The following NCOA1 variants were observed in gnomAD, a reference collection of about 807,000 sequenced individuals.
NCOA1 encodes the protein nuclear receptor coactivator 1, also known as Hin-2 protein.
A neutral mutation model predicts 150.9 loss-of-function variants in NCOA1; 35 were observed. The ratio of observed to expected loss-of-function variants is 0.23; its 90% CI spans 0.18 to 0.31. The LOEUF (loss-of-function observed/expected upper bound fraction) is 0.31, where lower values mean the gene tolerates loss of function less well. Among genes scored for constraint, NCOA1 ranks in the 10% least tolerant of loss-of-function variants. The pLI is 1.00. For missense variants in NCOA1, 1,491 were observed against 1,749.3 expected (o/e 0.85, Z 2.63); for synonymous variants, 590 against 630.0 (o/e 0.94, Z 0.95).
chr2:24,553,338 C>T (rs543657284), intron 1 of NCOA1, among the ~76,000 whole-genome samples: 1 of 152,046 alleles, frequency 6.6e-6, no homozygotes, highest in African/African-American at 2.4e-5. Context: ...CCTGCCTCAG[C>T]CTCCCGAGTA....
Position 24,607,470 on chromosome 2 carries a change from A to G in NCOA1, c.-175+22910A>G, listed in dbSNP as rs965219239. ...TTTGGGAGGCCAAGGCGGGCGGATC[A>G]TGAGGTCAGGAGATCAAGACCATCC... On this transcript the variant is annotated intron_variant, in intron 3 of 22. Coordinates refer to ENST00000348332, the MANE Select transcript of NCOA1 (RefSeq NM_003743.5). 1.4e-4 allele frequency among the ~76,000 whole-genome samples: 22 copies of G among 152,168 alleles called. No individual in the cohort carries two copies. The South Asian group carries it at 1.4e-3, about 10-fold the overall frequency.
intron 1 of NCOA1, among the ~76,000 whole-genome samples, chr2:24,553,921 G>T (rs1451139539): frequency 6.6e-6 from 1 of 152,190 alleles, no homozygotes; most frequent in African/African-American, 2.4e-5. Flanking sequence ...GTGTTTTCTT[G>T]AGAAGGTTTT....
intron 2 of NCOA1, among the ~76,000 whole-genome samples, chr2:24,566,684 C>A (rs1396674329): frequency 6.6e-6 from 1 of 152,216 alleles, no homozygotes; most frequent in Non-Finnish European, 1.5e-5. Context: ...TGCCTCCTAC[C>A]ATTGTTCATG....
At chr2:24,591,913 T>C (rs1162130496) in intron 3 of NCOA1, among the ~76,000 whole-genome samples, 2 of 152,176 alleles carry the variant, frequency 1.3e-5, no homozygotes, top group Non-Finnish European at 2.9e-5. Flanking sequence ...AAAAAAGTTT[T>C]CTTGAAATCC....
intron 3 of NCOA1, among the ~76,000 whole-genome samples, chr2:24,587,106 A>G (rs1271520587): frequency 2.0e-5 from 3 of 151,812 alleles, no homozygotes; most frequent in Non-Finnish European, 4.4e-5. Flanking sequence ...GAGAAGAAAA[A>G]AAAAAAAAAG....
At chr2:24,577,271 A>G (rs1001502377) in intron 2 of NCOA1, among the ~76,000 whole-genome samples, 8 of 152,196 alleles carry the variant, frequency 5.3e-5, no homozygotes, top group Non-Finnish European at 8.8e-5. Flanking sequence ...AGACACATAT[A>G]CTCACACACA....
intron 15 of NCOA1, 82 bp downstream of exon 15, chr2:24,726,788 G>T (rs889591643): frequency 7.5e-6 from 5 of 668,834 alleles, no homozygotes; most frequent in East Asian, 3.3e-5. Context: ...CTACATTTCA[G>T]TCTACAGTGG....
intron 1 of NCOA1, among the ~76,000 whole-genome samples, chr2:24,539,838 GGTAATTCATTAGC>G (rs1272837240): frequency 6.6e-6 from 1 of 152,000 alleles, no homozygotes; most frequent in African/African-American, 2.4e-5. Flanking sequence ...TAATCAATAG[GGTAATTCATTAGC>G]ATTACTGCAA....
intron 1 of NCOA1, among the ~76,000 whole-genome samples, chr2:24,529,180 C>T (rs890074797): frequency 1.3e-5 from 2 of 152,158 alleles, no homozygotes; most frequent in African/African-American, 2.4e-5. Flanking sequence ...GCCACCGTGC[C>T]GGCCTGATGA....
intron 5 of NCOA1, among the ~76,000 whole-genome samples, chr2:24,659,383 G>C (rs1019849454): frequency 6.6e-6 from 1 of 152,054 alleles, no homozygotes; most frequent in Non-Finnish European, 1.5e-5. Context: ...TTAAATATTT[G>C]GTTTGTTATA....
chr2:24,503,139 G>T (rs1213179667), intron 1 of NCOA1, among the ~76,000 whole-genome samples: 4 of 152,204 alleles, frequency 2.6e-5, no homozygotes, highest in Non-Finnish European at 5.9e-5. Context: ...GTGTGAATGT[G>T]TGCGTGTTCC....
At chr2:24,659,971 C>T (rs930019693) in intron 5 of NCOA1, among the ~76,000 whole-genome samples, 2 of 152,044 alleles carry the variant, frequency 1.3e-5, no homozygotes, top group Non-Finnish European at 2.9e-5. Flanking sequence ...TTACATGCTG[C>T]TTTCTCTCAT....
At chr2:24,503,942 C>T (rs1267778849) in intron 1 of NCOA1, among the ~76,000 whole-genome samples, 1 of 152,042 alleles carries the variant, frequency 6.6e-6, no homozygotes, top group East Asian at 1.9e-4. Flanking sequence ...ACCATGTTGG[C>T]CAGGCTGGTC....
chr2:24,684,083 G>T (rs1427608685), intron 8 of NCOA1, among the ~76,000 whole-genome samples: 3 of 152,116 alleles, frequency 2.0e-5, no homozygotes, highest in African/African-American at 2.4e-5. Context: ...GGGAACTGAG[G>T]CATGTGGTCA....
In NCOA1 at chr2:24,713,267, AAATTT is replaced by A. The variant is rs1379401684; in HGVS notation, c.2599+2164_2599+2168del. The stretch of plus-strand genomic sequence containing the variant: ...AATTAATTAATTAATTTTAAAAATT[AAATTT>A]AATTTAAAAAAATAAAAGAATTACA... On this transcript the variant is annotated intron_variant, in intron 14 of 22. Transcript: ENST00000348332. Among the ~76,000 whole-genome samples the A allele has an allele frequency of 6.6e-5, 10 of 151,740 alleles. No homozygotes were observed. In the South Asian group the frequency reaches 1.9e-3, roughly 28 times the overall value.
At chr2:24,756,865 G>A (rs576911578) in intron 20 of NCOA1, among the ~76,000 whole-genome samples, 33 of 152,276 alleles carry the variant, frequency 2.2e-4, no homozygotes, top group African/African-American at 7.5e-4. Context: ...GATCTTTGGT[G>A]TAACAACAGT....
At chr2:24,629,035 G>C (rs1669556719) in intron 3 of NCOA1, among the ~76,000 whole-genome samples, 3 of 152,096 alleles carry the variant, frequency 2.0e-5, no homozygotes, top group Admixed American at 1.3e-4. Context: ...AAATTTAAAG[G>C]GTGGTGATAT....
In NCOA1 at chr2:24,658,644, T is replaced by A. The variant is rs1292044398; in HGVS notation, c.-17-17T>A. ...GGTCATAAGGGTAGATTTCTTACTG[T>A]TGTCCTTCCTGTTTAGGTGTGAAGT... On this transcript the variant is annotated splice_polypyrimidine_tract_variant and intron_variant, in intron 4 of 22. Transcript: ENST00000348332. 1.3e-6 allele frequency: 2 copies of A among 1,582,604 alleles called. No individual in the cohort carries two copies. Among genetic ancestry groups the A allele is most frequent in the East Asian group, 2.2e-5 (1 of 44,716 alleles).
chr2:24,514,780 A>C (rs895729119), intron 1 of NCOA1, among the ~76,000 whole-genome samples: 1 of 152,192 alleles, frequency 6.6e-6, no homozygotes, highest in Non-Finnish European at 1.5e-5. Context: ...GTCTCAAAAA[A>C]AACAAGAAAA....
Sources: allele counts gnomAD v4.1 joint callset (sites outside exome capture counted in the v4.1 genomes callset), GRCh38; gene constraint gnomAD v4.1.1; transcripts MANE v1.5; gene names NCBI Gene and HGNC (gene_info 2026-07-23, HGNC 2026-07-21).